Variants in OPTN observed in about 807,000 individuals in gnomAD.
OPTN encodes optineurin.
A neutral mutation model predicts 70.4 loss-of-function variants in OPTN; 54 were observed. The observed-to-expected ratio is 0.77, with a 90% CI of 0.62 to 0.96. The LOEUF is 0.96. Among genes scored for constraint, OPTN ranks in the 40% least tolerant of loss-of-function variants. The pLI is 0.00. For missense variants in OPTN, 624 were observed against 673.2 expected (o/e 0.93, Z 0.81); for synonymous variants, 256 against 248.5 (o/e 1.03, Z -0.28).
chr10:13,136,923 GA>G lies in OPTN; in HGVS notation c.*58del. The G allele has an allele frequency of 6.2e-7, 1 of 1,608,534 alleles. No individual in the cohort carries two copies. Among genetic ancestry groups the G allele is most frequent in the Non-Finnish European group, 8.5e-7 (1 of 1,175,846 alleles). The stretch of plus-strand genomic sequence containing the variant: ...GTAAATGTCAGATTTTTTCCTCCAA[GA>G]GTTGTGCTTTTGTGTTATTTGTTTT... On this transcript the variant is annotated 3_prime_UTR_variant, in exon 15 of 15. Transcript: ENST00000378747.
rs779375211 is a variant in OPTN, at chr10:13,138,167, A to T, written c.*1301A>T. On this transcript the variant is annotated 3_prime_UTR_variant, in exon 15 of 15. Transcript: ENST00000378747. ...AGTCATTCTTGCTGAGAAGGTGAAT[A>T]GGTAGGGATTTGCCTTGTTTTGTAA... 5.2e-6 allele frequency: 1 copy of T among 193,814 alleles called. No homozygotes were observed. The highest frequency in any genetic ancestry group is 1.1e-5 in the Non-Finnish European group (1 of 92,998). 12.0% of individuals were successfully genotyped at this position (193,814 alleles called of 1,614,324 possible).
At chr10:13,124,515 A>T (rs1833419100) in intron 9 of OPTN, among the ~76,000 whole-genome samples, 1 of 152,240 alleles carries the variant, frequency 6.6e-6, no homozygotes, top group Non-Finnish European at 1.5e-5. Flanking sequence ...TTGTTATTTC[A>T]ATCAGTTAAT....
intron 9 of OPTN, among the ~76,000 whole-genome samples, chr10:13,124,487 A>G (rs1833418313): frequency 6.6e-6 from 1 of 152,224 alleles, no homozygotes; most frequent in Non-Finnish European, 1.5e-5. Context: ...ATTTATTTGG[A>G]AAAAGGTCAA....
chr10:13,106,467 A>G (rs7900633), intron 1 of OPTN, among the ~76,000 whole-genome samples: 115,635 of 152,188 alleles, frequency 0.76, 45,506 homozygotes, highest in Non-Finnish European at 0.88. Flanking sequence ...AGATACAAAA[A>G]GTTCAAAAAT....
chr10:13,127,549 A>G (rs1362919567), intron 11 of OPTN, among the ~76,000 whole-genome samples, 196 bp from the exon 12 acceptor site: 1 of 152,038 alleles, frequency 6.6e-6, no homozygotes. Context: ...CATTTTTTAG[A>G]TCTCGCTATG....
intron 5 of OPTN, among the ~76,000 whole-genome samples, chr10:13,113,027 CT>C (rs1490190109): frequency 1.3e-5 from 2 of 152,000 alleles, no homozygotes; most frequent in African/African-American, 4.8e-5. Context: ...ACAGAACCCT[CT>C]TTTTTTGTTT....
chr10:13,107,164 C>T (rs564052285), intron 1 of OPTN, among the ~76,000 whole-genome samples: 10 of 152,070 alleles, frequency 6.6e-5, no homozygotes, highest in Admixed American at 1.3e-4. Flanking sequence ...CACCTGAAGT[C>T]AGGAGTTCGA....
intron 12 of OPTN, among the ~76,000 whole-genome samples, chr10:13,130,903 T>A (rs1445534391): frequency 6.6e-6 from 1 of 152,136 alleles, no homozygotes; most frequent in Non-Finnish European, 1.5e-5. Flanking sequence ...TAAAAATTAC[T>A]TAATTTTTAA....
chr10:13,127,683 A>G (rs1833496833), intron 11 of OPTN, 62 bp from the exon 12 acceptor site: 31 of 1,559,016 alleles, frequency 2.0e-5, no homozygotes, highest in Non-Finnish European at 2.7e-5. Context: ...TTTTTCTAAT[A>G]TTTTACTAAA....
At position 13,137,043 on chromosome 10, in the gene OPTN, G is replaced by A. The variant is rs1259324957; in HGVS notation, c.*177G>A. 9.5e-6 allele frequency: 7 copies of A among 739,732 alleles called. No homozygotes were observed. The highest frequency in any genetic ancestry group is 1.6e-5 in the Non-Finnish European group (7 of 438,562). The allele number at this position is 739,732 out of a possible 1,614,324, so 45.8% of individuals were successfully genotyped here. On this transcript the variant is annotated 3_prime_UTR_variant, in exon 15 of 15. Coordinates refer to ENST00000378747, the MANE Select transcript of OPTN (RefSeq NM_001008212.2). Reference sequence around the variant, plus strand: ...GCCTGTAATCCCAGCACTTTGGGAGGTCGAGGTGGGTGGATCACTTGGGGT... The same window carrying A: ...GCCTGTAATCCCAGCACTTTGGGAGATCGAGGTGGGTGGATCACTTGGGGT...
rs369760173 is a variant in OPTN at position 13,112,596 on chromosome 10, C to T, written c.513C>T (p.Ser171=). The change falls in exon 5 of 15, where the codon AGC becomes AGT. Residue 171 remains serine (S), a synonymous_variant. Transcript: ENST00000378747. ...AACTGCAGCTCAAGCTGAACTCCAG[C>T]GGCTCCTCAGAAGATTCCTTTGTTG... ...VSELQLKLNS[S]GSSEDSFVEI... 234 of 1,614,048 alleles carry T rather than the reference C, an allele frequency of 1.4e-4. No homozygotes were observed. Among genetic ancestry groups the T allele is most frequent in the Non-Finnish European group, 1.8e-4 (218 of 1,180,040 alleles).
Position 13,136,852 on chromosome 10 carries a change from G to T in OPTN, c.1720G>T (p.Asp574Tyr), listed in dbSNP as rs749301193. Residue 574 changes from aspartate to tyrosine, a missense_variant, in exon 15 of 15, where the codon GAT becomes TAT. Physicochemically the swap from Asp to Tyr is radical, Grantham distance 160 (BLOSUM62 -3). Coordinates refer to ENST00000378747, the MANE Select transcript of OPTN (RefSeq NM_001008212.2). Reference sequence around the variant, plus strand: ...AGACACGTTACAGATTCACGTGATGGATTGCATCATTTAAGTGTTGATGTA... The same window carrying T: ...AGACACGTTACAGATTCACGTGATGTATTGCATCATTTAAGTGTTGATGTA... ...DIDTLQIHVM[D>Y]CII 6.2e-7 allele frequency: 1 copy of T among 1,614,204 alleles called. No homozygotes were observed. Among genetic ancestry groups the T allele is most frequent in the East Asian group, 2.2e-5 (1 of 44,892 alleles).
intron 13 of OPTN, among the ~76,000 whole-genome samples, chr10:13,132,932 A>C (rs887676587): frequency 3.9e-5 from 6 of 152,124 alleles, no homozygotes; most frequent in Non-Finnish European, 8.8e-5. Flanking sequence ...TTATTAAAGG[A>C]AAAAGGGAGT....
intron 5 of OPTN, among the ~76,000 whole-genome samples, chr10:13,115,224 T>TAA (rs370116773): frequency 2.8e-4 from 2 of 7,182 alleles, no homozygotes; most frequent in Admixed American, 3.3e-3. Flanking sequence ...TATATATTTA[T>TAA]ATATAGATAT....
At chr10:13,108,010 A>G (rs1456623720) in intron 1 of OPTN, 128 bp from the exon 2 acceptor site, 1 of 152,238 alleles carries the variant, frequency 6.6e-6, no homozygotes, top group Non-Finnish European at 1.5e-5. Flanking sequence ...TCTACAAAAC[A>G]AAATGATATG....
chr10:13,111,452 C>T (rs1471695722), intron 4 of OPTN, among the ~76,000 whole-genome samples: 2 of 152,068 alleles, frequency 1.3e-5, no homozygotes, highest in East Asian at 1.9e-4. Context: ...AATCCCAGCG[C>T]TTTGGGAGGC....
chr10:13,129,621 A>G (rs148983149), intron 12 of OPTN, among the ~76,000 whole-genome samples: 1 of 152,284 alleles, frequency 6.6e-6, no homozygotes, highest in East Asian at 1.9e-4. Context: ...GGCGTGAGCC[A>G]CCGTGCCTGG....
intron 1 of OPTN, among the ~76,000 whole-genome samples, chr10:13,103,050 C>G (rs1054085691): frequency 6.6e-6 from 1 of 152,096 alleles, no homozygotes; most frequent in African/African-American, 2.4e-5. Flanking sequence ...AAGCCTTACT[C>G]CCAGGTTCCT....
At chr10:13,120,562 C>T (rs1833324276) in intron 7 of OPTN, among the ~76,000 whole-genome samples, 1 of 146,842 alleles carries the variant, frequency 6.8e-6, no homozygotes, top group South Asian at 2.2e-4. Flanking sequence ...CAGAGTGAGA[C>T]TCTGTCTCAA....
Sources: gnomAD v4.1 joint callset for allele counts (sites outside exome capture counted in the v4.1 genomes callset) on GRCh38, gnomAD v4.1.1 for gene constraint, MANE v1.5 for transcripts, NCBI Gene and HGNC (gene_info 2026-07-23, HGNC 2026-07-21) for gene names.